ABL1: variants seen among roughly 807,000 people sequenced by gnomAD.
ABL1 encodes tyrosine-protein kinase ABL1.
In ABL1, 11 loss-of-function variants were observed where a neutral mutation model predicts 94.7. That is an observed-to-expected ratio of 0.12 (90% confidence interval 0.07 to 0.19). The LOEUF (loss-of-function observed/expected upper bound fraction) is 0.19, where lower values mean the gene tolerates loss of function less well. Among genes scored for constraint, ABL1 ranks in the 10% least tolerant of loss-of-function variants. ABL1 has a pLI of 1.00. For synonymous variants in ABL1, 656 were observed against 622.4 expected (o/e 1.05, Z -0.80); for missense variants, 1,082 against 1,489.4 (o/e 0.73, Z 4.50).
At chr9:130,820,789 T>G (rs917469902) in intron 1 of ABL1, among the ~76,000 whole-genome samples, 5 of 152,232 alleles carry the variant, frequency 3.3e-5, no homozygotes, top group Non-Finnish European at 5.9e-5. Flanking sequence ...TAAAATCATA[T>G]AACATATTGC....
intron 1 of ABL1, among the ~76,000 whole-genome samples, chr9:130,765,090 T>C (rs186040237): frequency 1.1e-4 from 16 of 152,302 alleles, no homozygotes; most frequent in Middle Eastern, 6.8e-3. Flanking sequence ...GTCAAGATGA[T>C]TTTTTTGTTG....
chr9:130,727,644 T>C (rs1428209198), intron 1 of ABL1, among the ~76,000 whole-genome samples: 1 of 150,950 alleles, frequency 6.6e-6, no homozygotes, highest in Non-Finnish European at 1.5e-5. Context: ...TGCCTATAGC[T>C]ACTCGGGAGG....
intron 1 of ABL1, among the ~76,000 whole-genome samples, chr9:130,800,737 T>C (rs1044838408): frequency 6.6e-6 from 1 of 152,206 alleles, no homozygotes; most frequent in Non-Finnish European, 1.5e-5. Flanking sequence ...TTCCTCTTTT[T>C]CTTGGTGAGT....
chr9:130,818,327 A>G (rs1188853135), intron 1 of ABL1, among the ~76,000 whole-genome samples: 2 of 152,178 alleles, frequency 1.3e-5, no homozygotes, highest in African/African-American at 4.8e-5. Flanking sequence ...AAAATTAGCC[A>G]TACATCGTGG....
intron 1 of ABL1, among the ~76,000 whole-genome samples, chr9:130,806,381 G>A (rs191994259): frequency 4.5e-4 from 68 of 152,310 alleles, no homozygotes; most frequent in African/African-American, 1.4e-3. Context: ...GTCAATCCAA[G>A]GTGATTTAAT....
chr9:130,860,450 G>A (rs1831053483), intron 3 of ABL1, among the ~76,000 whole-genome samples: 1 of 152,188 alleles, frequency 6.6e-6, no homozygotes, highest in African/African-American at 2.4e-5. Flanking sequence ...GGAATCAAAT[G>A]AGCCCAAGAA....
intron 1 of ABL1, among the ~76,000 whole-genome samples, chr9:130,749,942 G>C (rs1831934398): frequency 6.6e-6 from 1 of 151,960 alleles, no homozygotes; most frequent in African/African-American, 2.4e-5. Context: ...GGGAGGCTGA[G>C]GCGGGAGGAT....
Position 130,754,034 on chromosome 9 carries a change from G to A in ABL1, c.136+39579G>A, listed in dbSNP as rs569496242. ...AGTCTGGCCAACATGGTGAAACCCC[G>A]TCTCTACTAAAATATAAAAAAAATT... On this transcript the variant is annotated intron_variant, in intron 1 of 10. Coordinates refer to the ABL1 transcript ENST00000372348. Among the ~76,000 whole-genome samples, 5 of 150,590 alleles carry A rather than the reference G, an allele frequency of 3.3e-5. No individual in the cohort carries two copies. In the East Asian group the frequency reaches 8.1e-4, roughly 24 times the overall value.
rs370731810 is a variant in ABL1 at position 130,737,974 on chromosome 9, A to T, written c.136+23519A>T. 5.3e-5 allele frequency among the ~76,000 whole-genome samples: 8 copies of T among 151,640 alleles called. No individual in the cohort carries two copies. The South Asian group carries it at 6.3e-4, about 12-fold the overall frequency. On this transcript the variant is annotated intron_variant, in intron 1 of 10. Coordinates refer to the ABL1 transcript ENST00000372348. ...GCCTACCAACTAGCTGGGATTACAG[A>T]TGTGCACCGCCACACCCAGCTAATT...
At chr9:130,759,199 T>G (rs1832079651) in intron 1 of ABL1, among the ~76,000 whole-genome samples, 1 of 152,210 alleles carries the variant, frequency 6.6e-6, no homozygotes, top group African/African-American at 2.4e-5. Flanking sequence ...TGCCAAATGA[T>G]CATAGAATGG....
intron 6 of ABL1, among the ~76,000 whole-genome samples, chr9:130,874,231 A>G (rs1831304024): frequency 1.3e-5 from 2 of 152,000 alleles, no homozygotes; most frequent in Non-Finnish European, 2.9e-5. Flanking sequence ...TTAGACTCCT[A>G]CCTCCCTGGG....
intron 1 of ABL1, among the ~76,000 whole-genome samples, chr9:130,756,699 A>G (rs1309790649): frequency 6.6e-6 from 1 of 152,226 alleles, no homozygotes; most frequent in Non-Finnish European, 1.5e-5. Flanking sequence ...GATATCTAAA[A>G]GAAACTTGTA....
rs76004964 is a variant in ABL1, at chr9:130,740,425, C to T, written c.136+25970C>T. 6.7e-3 allele frequency among the ~76,000 whole-genome samples: 1,015 copies of T among 152,296 alleles called. 18 individuals carry two copies. The highest frequency in any genetic ancestry group is 0.024 in the African/African-American group (986 of 41,538). On this transcript the variant is annotated intron_variant, in intron 1 of 10. Transcript: ENST00000372348. ...TTCTCATGGGCAAAGATTCCAAAGG[C>T]GCCCCAGACATCATCAGCTCCTTGC...
chr9:130,792,632 G>C (rs907165679), intron 1 of ABL1, among the ~76,000 whole-genome samples: 19 of 152,096 alleles, frequency 1.2e-4, no homozygotes, highest in African/African-American at 4.3e-4. Flanking sequence ...ATGTTGAGTA[G>C]GACATTTCAA....
At chr9:130,834,100 C>T, upstream of ABL1, 2 of 455,996 alleles carry the variant, frequency 4.4e-6, no homozygotes, top group South Asian at 3.1e-5. Flanking sequence ...CTTCTCTGAG[C>T]ATCTGTGGGG....
chr9:130,765,824 A>C (rs549357780), intron 1 of ABL1, among the ~76,000 whole-genome samples: 1 of 152,210 alleles, frequency 6.6e-6, no homozygotes, highest in African/African-American at 2.4e-5. Context: ...GTTACTGTGA[A>C]TCTAATGGGG....
intron 1 of ABL1, among the ~76,000 whole-genome samples, chr9:130,757,853 T>A (rs974827761): frequency 6.6e-5 from 10 of 151,950 alleles, no homozygotes; most frequent in Admixed American, 5.2e-4. Flanking sequence ...GCATTTTTTT[T>A]ATGTGTGTCT....
At chr9:130,841,925 T>G (rs1366515323) in intron 1 of ABL1, among the ~76,000 whole-genome samples, 38 of 124,428 alleles carry the variant, frequency 3.1e-4, no homozygotes, top group African/African-American at 5.4e-4. Flanking sequence ...GAGAAATAGG[T>G]GGGAAGGAGA....
rs138241489 is a variant in ABL1 at position 130,766,986 on chromosome 9, G to T, written c.136+52531G>T. Reference sequence around the variant, plus strand: ...GTGGTCTGGGCCTGGTTTCCCTCTCGAATTTCCCTCCTGTCACTCCCTTTG... The same window carrying T: ...GTGGTCTGGGCCTGGTTTCCCTCTCTAATTTCCCTCCTGTCACTCCCTTTG... On this transcript the variant is annotated intron_variant, in intron 1 of 10. Coordinates refer to the ABL1 transcript ENST00000372348. 6.9e-3 allele frequency among the ~76,000 whole-genome samples: 1,057 copies of T among 152,240 alleles called. 12 individuals are homozygous for T. Among genetic ancestry groups the T allele is most frequent in the African/African-American group, 0.025 (1,019 of 41,528 alleles).
Sources: allele counts gnomAD v4.1 joint callset (sites outside exome capture counted in the v4.1 genomes callset), GRCh38; gene constraint gnomAD v4.1.1; transcripts MANE v1.5; gene names NCBI Gene and HGNC (gene_info 2026-07-23, HGNC 2026-07-21).